PDE1A: variants seen among roughly 807,000 people sequenced by gnomAD.
PDE1A encodes dual specificity calcium/calmodulin-dependent 3',5'-cyclic nucleotide phosphodiesterase 1A.
In PDE1A, 35 loss-of-function variants were observed where a neutral mutation model predicts 61.7. The ratio of observed to expected loss-of-function variants is 0.57; its 90% CI spans 0.43 to 0.75. The LOEUF (loss-of-function observed/expected upper bound fraction) is 0.75. Among genes scored for constraint, PDE1A ranks in the 30% least tolerant of loss-of-function variants. The pLI, the probability that PDE1A is intolerant of heterozygous loss-of-function variation, is 0.00. For missense variants in PDE1A, 597 were observed against 630.6 expected, an observed-to-expected ratio of 0.95 and a Z score of 0.57; for synonymous variants, 232 against 213.2, an observed-to-expected ratio of 1.09 and a Z score of -0.77.
chr2:182,354,866 G>A (rs1411479901), intron 1 of PDE1A, among the ~76,000 whole-genome samples: 1 of 152,090 alleles, frequency 6.6e-6, no homozygotes, highest in Non-Finnish European at 1.5e-5. Flanking sequence ...AGCTTTATCA[G>A]TATGACTTTG....
At chr2:182,205,430 A>AT (rs890467728) in intron 8 of PDE1A, among the ~76,000 whole-genome samples, 4 of 152,132 alleles carry the variant, frequency 2.6e-5, no homozygotes, top group Non-Finnish European at 5.9e-5. Flanking sequence ...ATACCATGTA[A>AT]TTTTTTTCAA....
chr2:182,698,368 G>A, the PDE1A span, among the ~76,000 whole-genome samples: 2 of 151,430 alleles, frequency 1.3e-5, no homozygotes, highest in South Asian at 4.1e-4. Flanking sequence ...AATAGCAAAG[G>A]CTGATATTAT....
At chr2:182,217,230 A>G (rs1465455722) in intron 7 of PDE1A, among the ~76,000 whole-genome samples, 1 of 94,382 alleles carries the variant, frequency 1.1e-5, no homozygotes, top group Non-Finnish European at 2.1e-5. Context: ...GAAAGCTGAA[A>G]CTGGATCCCT....
chr2:182,498,551 AT>A (rs1483651081), intron 2 of PDE1A, among the ~76,000 whole-genome samples: 1 of 152,168 alleles, frequency 6.6e-6, no homozygotes, highest in African/African-American at 2.4e-5. Context: ...AAGTTATCAA[AT>A]TAAAAAAATG....
the PDE1A span, among the ~76,000 whole-genome samples, chr2:182,554,968 A>G: frequency 6.6e-6 from 1 of 152,266 alleles, no homozygotes; most frequent in African/African-American, 2.4e-5. Context: ...ATCATTTCAA[A>G]AGTGTAAACA....
the PDE1A span, among the ~76,000 whole-genome samples, chr2:182,563,187 G>T: frequency 1.3e-5 from 2 of 151,840 alleles, no homozygotes; most frequent in African/African-American, 4.8e-5. Flanking sequence ...TCTCTTGTGG[G>T]CATTTAGTGC....
chr2:182,522,759 T>C (rs865824707), upstream of PDE1A: 3 of 730,702 alleles, frequency 4.1e-6, no homozygotes, highest in East Asian at 1.2e-4. Context: ...CGAGCTCTAT[T>C]ATGCACAAGA....
At chr2:182,267,174 A>G (rs1692690727) in intron 1 of PDE1A, among the ~76,000 whole-genome samples, 2 of 152,298 alleles carry the variant, frequency 1.3e-5, no homozygotes, top group South Asian at 4.1e-4. Flanking sequence ...ACTATAACTG[A>G]TAAGACTTGT....
chr2:182,193,825 T>C (rs1685911901), intron 10 of PDE1A, among the ~76,000 whole-genome samples: 1 of 152,166 alleles, frequency 6.6e-6, no homozygotes, highest in African/African-American at 2.4e-5. Context: ...AGCTTTACTT[T>C]TTTACATTTA....
At chr2:182,598,526 G>A in the PDE1A span, among the ~76,000 whole-genome samples, 2 of 150,694 alleles carry the variant, frequency 1.3e-5, no homozygotes, top group African/African-American at 2.5e-5. Flanking sequence ...GAGCTGCAAC[G>A]CACTCCAGCC....
At chr2:182,650,473 C>A in the PDE1A span, among the ~76,000 whole-genome samples, 5 of 152,112 alleles carry the variant, frequency 3.3e-5, no homozygotes, top group African/African-American at 4.8e-5. Context: ...CCTACTATAA[C>A]CTAGGAATGA....
At chr2:182,550,895 G>T in the PDE1A span, among the ~76,000 whole-genome samples, 1 of 152,036 alleles carries the variant, frequency 6.6e-6, no homozygotes, top group Non-Finnish European at 1.5e-5. Flanking sequence ...GCTCAAAATT[G>T]TATGTAAGTT....
exon 10 of PDE1A, chr2:182,201,467 A>G (rs774364235): frequency 9.3e-6 from 15 of 1,613,922 alleles, no homozygotes; most frequent in Non-Finnish European, 3.4e-6. Context: ...CATTAGGGCC[A>G]TGGTCCACCG....
At chr2:182,162,190 C>A (rs1455695346) in intron 13 of PDE1A, among the ~76,000 whole-genome samples, 1 of 152,142 alleles carries the variant, frequency 6.6e-6, no homozygotes, top group Non-Finnish European at 1.5e-5. Flanking sequence ...GTGGGAACTA[C>A]AATCACTCAA....
chr2:182,291,914 T>C (rs1289733564), intron 1 of PDE1A, among the ~76,000 whole-genome samples: 2 of 152,168 alleles, frequency 1.3e-5, no homozygotes, highest in Non-Finnish European at 2.9e-5. Context: ...ATATTCATTG[T>C]GTTTCCCCTC....
In PDE1A at chr2:182,187,737, C is replaced by CTTT. The variant is rs1038970569; in HGVS notation, c.1208-1152_1208-1150dup. On this transcript the variant is annotated intron_variant, in intron 11 of 13. Transcript: ENST00000351439. ...TTAAGTTCTATGTTCTTTTTTTGTT[C>CTTT]TTTTTTTTTTTTTTTTTTTTTTTTT... 5.0e-3 allele frequency among the ~76,000 whole-genome samples: 335 copies of CTTT among 66,406 alleles called. 2 individuals are homozygous for CTTT. Among genetic ancestry groups the CTTT allele is most frequent in the African/African-American group, 7.6e-3 (116 of 15,340 alleles). 43.6% of individuals were successfully genotyped at this position (66,406 alleles called of 152,430 possible).
intron 7 of PDE1A, among the ~76,000 whole-genome samples, chr2:182,218,054 T>A (rs879718301): frequency 4.1e-5 from 6 of 147,634 alleles, no homozygotes; most frequent in East Asian, 2.0e-4. Context: ...ATTAAGAAAA[T>A]GTGGCACATA....
intron 13 of PDE1A, among the ~76,000 whole-genome samples, chr2:182,159,437 T>TGATTTC: frequency 6.6e-6 from 1 of 152,286 alleles, no homozygotes; most frequent in Non-Finnish European, 1.5e-5. Context: ...TCTTGATAGG[T>TGATTTC]TAATTAAGAA....
At chr2:182,705,701 A>C in the PDE1A span, among the ~76,000 whole-genome samples, 203 of 152,160 alleles carry the variant, frequency 1.3e-3, no homozygotes, top group Middle Eastern at 3.4e-3. Context: ...TTTCATAGAG[A>C]CCAGGTTTTG....
Sources: allele counts gnomAD v4.1 joint callset (sites outside exome capture counted in the v4.1 genomes callset), GRCh38; gene constraint gnomAD v4.1.1; transcripts MANE v1.5; gene names NCBI Gene and HGNC (gene_info 2026-07-23, HGNC 2026-07-21).